Variants in KCNQ5 observed in about 807,000 individuals in gnomAD.
The protein encoded by KCNQ5 is potassium voltage-gated channel subfamily KQT member 5.
In KCNQ5, 30 loss-of-function variants were observed where a neutral mutation model predicts 98.2. That is an observed-to-expected ratio of 0.31 (90% CI 0.23 to 0.41). The LOEUF (loss-of-function observed/expected upper bound fraction) is 0.41. Ranked by LOEUF, KCNQ5 falls within the 10% of genes least tolerant of loss-of-function variation. The probability of loss-of-function intolerance (pLI) is 1.00; values close to 1 mark genes in which losing one functional copy is unlikely to be tolerated. For missense variants in KCNQ5, 835 were observed against 1,182.5 expected, an observed-to-expected ratio of 0.71 and a Z score of 4.31; for synonymous variants, 458 against 449.4, an observed-to-expected ratio of 1.02 and a Z score of -0.24.
chr6:72,844,408 G>T (rs1417261406), intron 1 of KCNQ5, among the ~76,000 whole-genome samples: 1 of 152,118 alleles, frequency 6.6e-6, no homozygotes, highest in African/African-American at 2.4e-5. Flanking sequence ...TTTAAAATGT[G>T]CAGTTCTCTT....
chr6:73,127,325 G>C (rs1024922572), intron 9 of KCNQ5, among the ~76,000 whole-genome samples: 1 of 152,192 alleles, frequency 6.6e-6, no homozygotes, highest in African/African-American at 2.4e-5. Context: ...GTTATTGATG[G>C]TGAGTCAGAA....
At chr6:72,737,126 A>C (rs1339430877) in intron 1 of KCNQ5, among the ~76,000 whole-genome samples, 1 of 151,984 alleles carries the variant, frequency 6.6e-6, no homozygotes, top group Non-Finnish European at 1.5e-5. Flanking sequence ...ACGCCCGGCT[A>C]ATTTCTATAT....
At chr6:73,115,254 C>T (rs1036494036) in intron 7 of KCNQ5, among the ~76,000 whole-genome samples, 3 of 151,860 alleles carry the variant, frequency 2.0e-5, no homozygotes, top group African/African-American at 7.3e-5. Context: ...CTAGAATAAA[C>T]AGAGATTGAA....
chr6:72,624,064 A>G (rs954821948), intron 1 of KCNQ5, among the ~76,000 whole-genome samples: 21 of 152,234 alleles, frequency 1.4e-4, no homozygotes, highest in African/African-American at 4.8e-4. Context: ...AGAATATTCC[A>G]GCCAACTTTC....
chr6:73,099,427 C>G (rs764776912), intron 5 of KCNQ5, among the ~76,000 whole-genome samples: 16 of 151,992 alleles, frequency 1.1e-4, no homozygotes, highest in Non-Finnish European at 2.2e-4. Flanking sequence ...CTGTTGACTA[C>G]AAGAAACATA....
chr6:72,879,413 G>C (rs1036038135), intron 1 of KCNQ5, among the ~76,000 whole-genome samples: 6 of 152,126 alleles, frequency 3.9e-5, no homozygotes, highest in African/African-American at 1.4e-4. Flanking sequence ...TTCCTGTGTA[G>C]AATTTCTGTT....
intron 10 of KCNQ5, among the ~76,000 whole-genome samples, chr6:73,138,107 G>A (rs1776545693): frequency 2.0e-5 from 3 of 152,210 alleles, no homozygotes; most frequent in Admixed American, 2.0e-4. Context: ...TTTTGATCAA[G>A]TATCTGGGAA....
At chr6:72,785,993 T>C (rs1773719807) in intron 1 of KCNQ5, among the ~76,000 whole-genome samples, 1 of 152,212 alleles carries the variant, frequency 6.6e-6, no homozygotes, top group African/African-American at 2.4e-5. Flanking sequence ...ATAGGTAATT[T>C]AAAGTTTTCT....
rs55995543 is a variant in KCNQ5 at position 73,063,686 on chromosome 6, T to TAGATAGATAGATAGATAGATGATAGATA, written c.617-13636_617-13635insAGATAGATAGATAGATAGATGATAGATA. Among the ~76,000 whole-genome samples, 8 of 93,284 alleles carry TAGATAGATAGATAGATAGATGATAGATA rather than the reference T, an allele frequency of 8.6e-5. No homozygotes were observed. The South Asian group carries it at 1.4e-3, about 16-fold the overall frequency. 61.2% of individuals were successfully genotyped at this position (93,284 alleles called of 152,430 possible). On this transcript the variant is annotated intron_variant, in intron 3 of 13. Coordinates refer to ENST00000370398, the MANE Select transcript of KCNQ5 (RefSeq NM_019842.4). ...GATAGATGATAGATAGATAGATAGA[T>TAGATAGATAGATAGATAGATGATAGATA]GATAGATAGATAGATAGATAGATAG...
chr6:72,817,125 G>A (rs28754709), intron 1 of KCNQ5, among the ~76,000 whole-genome samples: 4,453 of 152,258 alleles, frequency 0.029, 217 homozygotes, highest in African/African-American at 0.1. Flanking sequence ...ACCAAGAAGG[G>A]ATATATGGAA....
At chr6:73,049,672 C>A (rs893573587) in intron 3 of KCNQ5, among the ~76,000 whole-genome samples, 1 of 152,154 alleles carries the variant, frequency 6.6e-6, no homozygotes, top group Non-Finnish European at 1.5e-5. Context: ...TAGCAACTGT[C>A]TTTTCAAGAT....
intron 1 of KCNQ5, among the ~76,000 whole-genome samples, chr6:72,810,212 T>G (rs1441638656): frequency 6.6e-6 from 1 of 152,218 alleles, no homozygotes; most frequent in Admixed American, 6.5e-5. Flanking sequence ...TATGCATGCT[T>G]CCTCAGGAAA....
chr6:72,891,513 A>G (rs530380045), intron 1 of KCNQ5, among the ~76,000 whole-genome samples: 1 of 152,324 alleles, frequency 6.6e-6, no homozygotes, highest in South Asian at 2.1e-4. Context: ...AAAGCCTAGA[A>G]AAAGGTGACA....
rs758036031 is a variant in KCNQ5, at chr6:72,705,590, G to GTTT, written c.398+83012_398+83014dup. The stretch of plus-strand genomic sequence containing the variant: ...TTTTTTGTTTTTTGTTGTTGTTTTT[G>GTTT]TTTTTTTTTTTGTTGTTGTTGTTTT... On this transcript the variant is annotated intron_variant, in intron 1 of 13. Coordinates refer to ENST00000370398, the MANE Select transcript of KCNQ5 (RefSeq NM_019842.4). 6.7e-4 allele frequency among the ~76,000 whole-genome samples: 62 copies of GTTT among 93,110 alleles called. No homozygotes were observed. In the East Asian group the frequency reaches 8.5e-3, roughly 13 times the overall value. The allele number at this position is 93,110 out of a possible 152,430, so 61.1% of individuals were successfully genotyped here.
rs183640710 is a variant in KCNQ5, at chr6:72,838,505, A to C, written c.399-165403A>C. Among the ~76,000 whole-genome samples, 261 of 152,292 alleles carry C rather than the reference A, an allele frequency of 1.7e-3. 4 individuals are homozygous for C. Among genetic ancestry groups the C allele is most frequent in the Admixed American group, 0.016 (244 of 15,294 alleles). ...TTTAATTTTCATGAATTATGTTTAT[A>C]TATTTTGTATCATATAACCTAAAGA... On this transcript the variant is annotated intron_variant, in intron 1 of 13. Coordinates refer to ENST00000370398, the MANE Select transcript of KCNQ5 (RefSeq NM_019842.4).
chr6:72,724,304 A>G (rs990227079), intron 1 of KCNQ5, among the ~76,000 whole-genome samples: 1 of 152,226 alleles, frequency 6.6e-6, no homozygotes, highest in Admixed American at 6.5e-5. Context: ...TGAATATACT[A>G]AATAGATGCT....
intron 1 of KCNQ5, among the ~76,000 whole-genome samples, chr6:72,864,564 A>C (rs1777902016): frequency 6.6e-6 from 1 of 152,192 alleles, no homozygotes; most frequent in Admixed American, 6.5e-5. Context: ...TAAATATTAA[A>C]ATGTTAGCAG....
chr6:72,956,489 CTTT>C (rs35114790), intron 1 of KCNQ5, among the ~76,000 whole-genome samples: 92 of 112,012 alleles, frequency 8.2e-4, no homozygotes, highest in African/African-American at 1.9e-3. Context: ...TTTCTTTTTT[CTTT>C]TTTTTTTTTT....
intron 1 of KCNQ5, among the ~76,000 whole-genome samples, chr6:72,689,039 C>A (rs1046785954): frequency 2.0e-5 from 3 of 152,146 alleles, no homozygotes; most frequent in African/African-American, 7.2e-5. Context: ...AACCTTAAGT[C>A]ATTAAATGTT....
Sources: allele counts gnomAD v4.1 joint callset (sites outside exome capture counted in the v4.1 genomes callset), GRCh38; gene constraint gnomAD v4.1.1; transcripts MANE v1.5; gene names NCBI Gene and HGNC (gene_info 2026-07-23, HGNC 2026-07-21).